The following CDK14 variants were observed in gnomAD, a reference collection of about 807,000 sequenced individuals.
CDK14 encodes the protein cyclin-dependent kinase 14.
CDK14 carries 34 observed loss-of-function variants against 60.7 expected under a neutral mutation model. The observed-to-expected ratio is 0.56, with a 90% CI of 0.43 to 0.75. The LOEUF (loss-of-function observed/expected upper bound fraction) is 0.75. Among genes scored for constraint, CDK14 ranks in the 30% least tolerant of loss-of-function variants. The probability of loss-of-function intolerance (pLI) is 0.00; values close to 1 mark genes in which losing one functional copy is unlikely to be tolerated. For missense variants in CDK14, 482 were observed against 564.1 expected (o/e 0.85, Z 1.47); for synonymous variants, 197 against 203.7 (o/e 0.97, Z 0.28).
intron 2 of CDK14, among the ~76,000 whole-genome samples, chr7:90,691,923 T>G (rs999049958): frequency 1.3e-5 from 2 of 151,976 alleles, no homozygotes; most frequent in Admixed American, 1.3e-4. Flanking sequence ...GGTTTGGGAG[T>G]GCTGTGAAGG....
At chr7:90,776,906 A>G (rs957742807) in intron 4 of CDK14, among the ~76,000 whole-genome samples, 1 of 151,758 alleles carries the variant, frequency 6.6e-6, no homozygotes, top group Non-Finnish European at 1.5e-5. Flanking sequence ...ACCGAAGGAA[A>G]TGGTGTGACA....
chr7:90,634,286 T>TC (rs1554423856), intron 2 of CDK14, among the ~76,000 whole-genome samples: 1 of 71,098 alleles, frequency 1.4e-5, no homozygotes, highest in African/African-American at 5.9e-5. Flanking sequence ...CCCTCCCCCC[T>TC]CCCCCCACCC....
At chr7:90,872,035 G>T (rs1791387041) in intron 6 of CDK14, among the ~76,000 whole-genome samples, 1 of 152,088 alleles carries the variant, frequency 6.6e-6, no homozygotes, top group African/African-American at 2.4e-5. Flanking sequence ...AACATATACG[G>T]ACTGTCTTCT....
intron 2 of CDK14, among the ~76,000 whole-genome samples, chr7:90,624,964 A>C (rs981371731): frequency 2.6e-5 from 4 of 152,202 alleles, no homozygotes; most frequent in African/African-American, 9.6e-5. Context: ...GAACAGGAGG[A>C]TGCTAATAAT....
chr7:90,784,189 TG>T (rs1805469300), intron 4 of CDK14, among the ~76,000 whole-genome samples: 1 of 152,148 alleles, frequency 6.6e-6, no homozygotes, highest in Non-Finnish European at 1.5e-5. Flanking sequence ...AAATAGCACA[TG>T]TTCTCAGTCA....
At chr7:90,631,407 G>A (rs1365939112) in intron 2 of CDK14, among the ~76,000 whole-genome samples, 2 of 152,136 alleles carry the variant, frequency 1.3e-5, no homozygotes, top group African/African-American at 4.8e-5. Flanking sequence ...TAATGATAAG[G>A]TATGAGGTAG....
chr7:91,096,333 T>C (rs923034704), intron 12 of CDK14, among the ~76,000 whole-genome samples: 5 of 152,182 alleles, frequency 3.3e-5, no homozygotes, highest in Non-Finnish European at 7.3e-5. Flanking sequence ...CAACATGTCA[T>C]GTGCCCAGCC....
chr7:90,832,354 T>A (rs1254798552), intron 5 of CDK14, among the ~76,000 whole-genome samples: 1 of 152,080 alleles, frequency 6.6e-6, no homozygotes, highest in Admixed American at 6.5e-5. Flanking sequence ...CTGATGCTTG[T>A]AGTGATGGAG....
chr7:91,083,936 A>G (rs1330618373), intron 12 of CDK14, among the ~76,000 whole-genome samples: 1 of 152,216 alleles, frequency 6.6e-6, no homozygotes, highest in East Asian at 1.9e-4. Flanking sequence ...AAACGGACAT[A>G]GTCAAAGGCC....
At chr7:90,883,911 T>C (rs1562812314) in intron 6 of CDK14, among the ~76,000 whole-genome samples, 1 of 152,126 alleles carries the variant, frequency 6.6e-6, no homozygotes, top group Non-Finnish European at 1.5e-5. Flanking sequence ...AAACTCTCAA[T>C]AGACTAGATA....
rs796637974 is a variant in CDK14, at chr7:91,089,580, A to AC, written c.1154+10100_1154+10101insC. On this transcript the variant is annotated intron_variant, in intron 12 of 14. Coordinates refer to ENST00000380050, the MANE Select transcript of CDK14 (RefSeq NM_001287135.2). ...AGCATGCTCTGAGGGGAAAAAAAAAAAAAAACAGGCAACTGTTTATCTCCG... is the reference window on the plus strand; with the variant it reads ...AGCATGCTCTGAGGGGAAAAAAAAAACAAAAACAGGCAACTGTTTATCTCCG... Among the ~76,000 whole-genome samples, 1,170 of 152,004 alleles carry AC rather than the reference A, an allele frequency of 7.7e-3. 16 individuals are homozygous for AC. The highest frequency in any genetic ancestry group is 0.026 in the African/African-American group (1,078 of 41,426).
At chr7:90,762,446 G>A (rs1260173063) in intron 4 of CDK14, among the ~76,000 whole-genome samples, 1 of 152,008 alleles carries the variant, frequency 6.6e-6, no homozygotes, top group Non-Finnish European at 1.5e-5. Flanking sequence ...GGGGGTATGT[G>A]AAAAGTGAGA....
chr7:90,988,960 A>G (rs1795453159), intron 10 of CDK14, among the ~76,000 whole-genome samples: 1 of 151,180 alleles, frequency 6.6e-6, no homozygotes. Context: ...AGTCCTCTTC[A>G]TCAATATATG....
At position 91,020,697 on chromosome 7, in the gene CDK14, T is replaced by C. The variant is rs548418190; in HGVS notation, c.1042-25200T>C. On this transcript the variant is annotated intron_variant, in intron 10 of 14. Coordinates refer to ENST00000380050, the MANE Select transcript of CDK14 (RefSeq NM_001287135.2). ...TCTTCCTTTTAATAGTTTTGCAATCTTGGACATGCCTATTATTTTTCCATG... is the reference window on the plus strand; with the variant it reads ...TCTTCCTTTTAATAGTTTTGCAATCCTGGACATGCCTATTATTTTTCCATG... 2.0e-5 allele frequency among the ~76,000 whole-genome samples: 3 copies of C among 152,320 alleles called. No homozygotes were observed. In the East Asian group the frequency reaches 5.8e-4, roughly 29 times the overall value.
intron 11 of CDK14, among the ~76,000 whole-genome samples, chr7:91,056,221 A>G (rs62468502): frequency 0.033 from 5,091 of 152,194 alleles, 114 homozygotes; most frequent in Middle Eastern, 0.12. Context: ...CACTAAGCCA[A>G]AAGCTTGCAC....
intron 9 of CDK14, among the ~76,000 whole-genome samples, chr7:90,964,807 G>A (rs542206591): frequency 1.2e-4 from 19 of 152,068 alleles, no homozygotes; most frequent in African/African-American, 3.6e-4. Flanking sequence ...TCTATATCAC[G>A]TCTTAGAACA....
chr7:91,163,323 G>T (rs1251497464), intron 14 of CDK14, among the ~76,000 whole-genome samples: 1 of 152,234 alleles, frequency 6.6e-6, no homozygotes, highest in African/African-American at 2.4e-5. Flanking sequence ...GCAAGGAAGT[G>T]ACTAGGTCCT....
chr7:90,916,049 G>A (rs1249136515), intron 7 of CDK14, among the ~76,000 whole-genome samples: 1 of 152,126 alleles, frequency 6.6e-6, no homozygotes, highest in Non-Finnish European at 1.5e-5. Flanking sequence ...TATGTGGTTT[G>A]CCTTCGTGTT....
At chr7:90,997,244 A>G (rs190459101) in intron 10 of CDK14, among the ~76,000 whole-genome samples, 1 of 152,346 alleles carries the variant, frequency 6.6e-6, no homozygotes, top group East Asian at 1.9e-4. Flanking sequence ...AGAGGTAAGA[A>G]TATAAGGACT....
Sources: allele counts gnomAD v4.1 joint callset (sites outside exome capture counted in the v4.1 genomes callset), GRCh38; gene constraint gnomAD v4.1.1; transcripts MANE v1.5; gene names NCBI Gene and HGNC (gene_info 2026-07-23, HGNC 2026-07-21).